Variants in ARHGAP32 observed in about 807,000 individuals in gnomAD.
ARHGAP32 encodes Rho GTPase activating protein 32, also known as rho GTPase-activating protein 32.
A neutral mutation model predicts 186.5 loss-of-function variants in ARHGAP32; 51 were observed. That is an observed-to-expected ratio of 0.27 (90% CI 0.22 to 0.35). The LOEUF (loss-of-function observed/expected upper bound fraction) is 0.35. ARHGAP32 is among the 10% of genes least tolerant of loss of function. The pLI, the probability that ARHGAP32 is intolerant of heterozygous loss-of-function variation, is 1.00. For missense variants in ARHGAP32, 2,186 were observed against 2,623.5 expected, an observed-to-expected ratio of 0.83 and a Z score of 3.64; for synonymous variants, 950 against 964.3, an observed-to-expected ratio of 0.99 and a Z score of 0.27.
Position 129,128,717 on chromosome 11 carries a change from G to A in ARHGAP32, c.226-3823C>T, listed in dbSNP as rs552184750. ...TCCTGCCTCAGCCTGCAGAGTGCCT[G>A]GGATTGCAGGCCCGCACCGCCACAC... On this transcript the variant is annotated intron_variant, in intron 2 of 22. Transcript: ENST00000682385. Among the ~76,000 whole-genome samples the A allele has an allele frequency of 3.9e-5, 6 of 152,162 alleles. No individual in the cohort carries two copies. In the East Asian group the frequency reaches 9.7e-4, roughly 25 times the overall value.
At chr11:129,023,837 T>C in intron 11 of ARHGAP32, 2 of 945,132 alleles carry the variant, frequency 2.1e-6, no homozygotes, top group African/African-American at 3.5e-5. Flanking sequence ...AATATTTAAA[T>C]GACTGATTGA....
chr11:129,185,747 T>C (rs772160390), intron 1 of ARHGAP32, among the ~76,000 whole-genome samples: 21 of 152,070 alleles, frequency 1.4e-4, no homozygotes, highest in Non-Finnish European at 2.9e-4. Context: ...TAAAGTTTCC[T>C]AAAGATCTTA....
intron 1 of ARHGAP32, among the ~76,000 whole-genome samples, chr11:129,180,042 T>C (rs1944018676): frequency 6.6e-6 from 1 of 152,126 alleles, no homozygotes; most frequent in Non-Finnish European, 1.5e-5. Context: ...TTAGAATTAA[T>C]ACATTAGCAA....
At chr11:129,137,821 A>G in intron 2 of ARHGAP32, among the ~76,000 whole-genome samples, 1 of 152,056 alleles carries the variant, frequency 6.6e-6, no homozygotes, top group African/African-American at 2.4e-5. Context: ...CACAGCATAT[A>G]GTGTTTTATG....
chr11:129,194,448 G>A (rs546961829), upstream of ARHGAP32, among the ~76,000 whole-genome samples: 5 of 152,222 alleles, frequency 3.3e-5, no homozygotes, highest in East Asian at 1.9e-4. Context: ...GTCACAATAC[G>A]GAACAAAGCC....
intron 1 of ARHGAP32, among the ~76,000 whole-genome samples, chr11:129,220,471 T>C (rs1013393919): frequency 6.6e-6 from 1 of 152,170 alleles, no homozygotes; most frequent in Admixed American, 6.5e-5. Flanking sequence ...ACTCAAAAAC[T>C]GTCCAAAACC....
At position 128,971,214 on chromosome 11, in the gene ARHGAP32, G is replaced by T. The variant is rs371579197; in HGVS notation, c.4054-55C>A. 1.4e-4 allele frequency: 204 copies of T among 1,456,362 alleles called. 1 individual carries two copies. In the African/African-American group the frequency reaches 2.6e-3, roughly 18 times the overall value. 90.2% of individuals were successfully genotyped at this position (1,456,362 alleles called of 1,614,324 possible). ...ATTTTTTGTTCCCTCTATGAATCAAGTACTATTAAATTTGTAACTCACAAA... is the reference window on the plus strand; with the variant it reads ...ATTTTTTGTTCCCTCTATGAATCAATTACTATTAAATTTGTAACTCACAAA... On this transcript the variant is annotated intron_variant, in intron 22 of 22. Transcript: ENST00000682385.
chr11:129,015,897 C>CA, intron 11 of ARHGAP32, among the ~76,000 whole-genome samples: 1 of 152,260 alleles, frequency 6.6e-6, no homozygotes, highest in East Asian at 1.9e-4. Context: ...GCACAAGTGA[C>CA]AGGACTTCTC....
chr11:129,223,703 A>G (rs904738746), intron 1 of ARHGAP32, among the ~76,000 whole-genome samples: 2 of 152,222 alleles, frequency 1.3e-5, no homozygotes, highest in African/African-American at 4.8e-5. Flanking sequence ...CTAAAGAAGT[A>G]AAAGACAGCT....
chr11:129,253,260 TC>T (rs1242441884), intron 1 of ARHGAP32, among the ~76,000 whole-genome samples: 3 of 152,184 alleles, frequency 2.0e-5, no homozygotes, highest in Non-Finnish European at 4.4e-5. Flanking sequence ...ACAAATTATG[TC>T]TGTGAATAAG....
chr11:128,977,839 G>A (rs990279040), intron 19 of ARHGAP32, among the ~76,000 whole-genome samples: 1 of 143,158 alleles, frequency 7.0e-6, no homozygotes, highest in African/African-American at 2.6e-5. Flanking sequence ...ACCAAGCCTC[G>A]CTTATTTGCA....
chr11:129,155,387 T>C (rs1021400043), intron 2 of ARHGAP32, among the ~76,000 whole-genome samples: 1 of 152,214 alleles, frequency 6.6e-6, no homozygotes, highest in African/African-American at 2.4e-5. Context: ...TATTTTGTTA[T>C]CAAATTAGAT....
chr11:129,199,931 C>A (rs1434246046), intron 1 of ARHGAP32, among the ~76,000 whole-genome samples: 1 of 152,234 alleles, frequency 6.6e-6, no homozygotes, highest in Non-Finnish European at 1.5e-5. Context: ...CCATGGGAAC[C>A]GACCTCTTGC....
chr11:129,085,216 A>T (rs148952435), intron 6 of ARHGAP32, among the ~76,000 whole-genome samples: 1 of 152,028 alleles, frequency 6.6e-6, no homozygotes, highest in African/African-American at 2.4e-5. Flanking sequence ...TAGAGATGAG[A>T]TCTCACTATG....
chr11:129,261,855 T>C (rs1945324121), intron 1 of ARHGAP32, among the ~76,000 whole-genome samples: 1 of 152,214 alleles, frequency 6.6e-6, no homozygotes, highest in South Asian at 2.1e-4. Flanking sequence ...TAGAATCTTA[T>C]TTGGCAATAA....
At chr11:129,045,142 T>C (rs544055979) in intron 10 of ARHGAP32, among the ~76,000 whole-genome samples, 1 of 152,340 alleles carries the variant, frequency 6.6e-6, no homozygotes, top group Non-Finnish European at 1.5e-5. Flanking sequence ...TATCACTAAC[T>C]ACTAGCTAAA....
At chr11:129,208,843 T>G (rs1035649190) in intron 1 of ARHGAP32, among the ~76,000 whole-genome samples, 4 of 151,792 alleles carry the variant, frequency 2.6e-5, no homozygotes, top group African/African-American at 9.7e-5. Flanking sequence ...CAAAAAAGAG[T>G]GGAAATTTTC....
intron 1 of ARHGAP32, among the ~76,000 whole-genome samples, chr11:129,165,805 C>A (rs1943626972): frequency 6.6e-6 from 1 of 151,150 alleles, no homozygotes; most frequent in African/African-American, 2.4e-5. Context: ...TAGGACACAA[C>A]AGAAAACTGA....
intron 1 of ARHGAP32, among the ~76,000 whole-genome samples, chr11:129,276,704 A>G (rs1470930301): frequency 6.6e-6 from 1 of 152,246 alleles, no homozygotes; most frequent in Non-Finnish European, 1.5e-5. Context: ...TTTATACGTA[A>G]TGACAATACT....
Sources: allele counts gnomAD v4.1 joint callset (sites outside exome capture counted in the v4.1 genomes callset), GRCh38; gene constraint gnomAD v4.1.1; transcripts MANE v1.5; gene names NCBI Gene and HGNC (gene_info 2026-07-23, HGNC 2026-07-21).